ACSM6: variants seen among roughly 807,000 people sequenced by gnomAD.
The protein encoded by ACSM6 is acyl-coenzyme A synthetase ACSM6, mitochondrial.
Under a neutral mutation model 51.1 loss-of-function variants are expected in ACSM6, and 35 were observed. That is an observed-to-expected ratio of 0.69 (90% CI 0.52 to 0.91). ACSM6 has a LOEUF of 0.91. Ranked by LOEUF, ACSM6 falls within the 40% of genes least tolerant of loss-of-function variation. The pLI, the probability that ACSM6 is intolerant of heterozygous loss-of-function variation, is 0.00. For synonymous variants in ACSM6, 172 were observed against 207.3 expected, an observed-to-expected ratio of 0.83 and a Z score of 1.46; for missense variants, 509 against 584.1, an observed-to-expected ratio of 0.87 and a Z score of 1.32.
intron 2 of ACSM6, among the ~76,000 whole-genome samples, chr10:95,199,650 C>T (rs1416409544): frequency 1.3e-5 from 2 of 151,638 alleles, no homozygotes; most frequent in African/African-American, 4.9e-5. Context: ...CAAACAAATT[C>T]ACAAGAAAAA....
In ACSM6 at chr10:95,207,420, G is replaced by A. The variant is rs1231145057; in HGVS notation, c.611+5G>A. ...GGATTTCAAGAAGTTGATTCAGTAA[G>A]TGGACACTGAATATGAGATGCTTAA... On this transcript the variant is annotated splice_donor_5th_base_variant and intron_variant, in intron 4 of 10. Transcript: ENST00000341686. 2 of 1,609,950 alleles carry A rather than the reference G, an allele frequency of 1.2e-6. No homozygotes were observed. Among genetic ancestry groups the A allele is most frequent in the Non-Finnish European group, 8.5e-7 (1 of 1,176,290 alleles).
chr10:95,228,525 G>T, intron 10 of ACSM6, 119 bp from the exon 11 acceptor site: 1 of 1,009,396 alleles, frequency 9.9e-7, no homozygotes. Flanking sequence ...CCTGGAGAGT[G>T]GGGATCCTGA....
chr10:95,210,259 G>A (rs2034880774), intron 4 of ACSM6, among the ~76,000 whole-genome samples: 1 of 152,146 alleles, frequency 6.6e-6, no homozygotes, highest in Non-Finnish European at 1.5e-5. Flanking sequence ...AGAGAGACTT[G>A]TGACATGTTT....
At chr10:95,211,754 T>C in intron 5 of ACSM6, 124 bp from the exon 6 acceptor site, 1 of 1,040,484 alleles carries the variant, frequency 9.6e-7, no homozygotes, top group Non-Finnish European at 1.4e-6. Flanking sequence ...AAATAGGCTT[T>C]GCCTGTTTTC....
chr10:95,219,804 G>A (rs1007051094), intron 8 of ACSM6, 87 bp from the exon 9 acceptor site: 3 of 949,562 alleles, frequency 3.2e-6, no homozygotes, highest in African/African-American at 1.6e-5. Flanking sequence ...CTGTTAGGAG[G>A]CACATAATGT....
intron 8 of ACSM6, among the ~76,000 whole-genome samples, chr10:95,217,797 GGAAACATCCTCACTTA>G (rs1276340816): frequency 6.6e-6 from 1 of 151,934 alleles, no homozygotes; most frequent in East Asian, 1.9e-4. Flanking sequence ...ATATGGCTCA[GGAAACATCCTCACTTA>G]GAAAGCTAAA....
intron 5 of ACSM6, 24 bp downstream of exon 5, chr10:95,210,817 C>T (rs2034886339): frequency 2.5e-6 from 4 of 1,605,320 alleles, no homozygotes; most frequent in Middle Eastern, 1.7e-4. Context: ...ACAGCCTGTA[C>T]AGGCCTGAAA....
intron 3 of ACSM6, among the ~76,000 whole-genome samples, chr10:95,205,372 C>T (rs938638179): frequency 7.9e-5 from 12 of 152,048 alleles, no homozygotes; most frequent in African/African-American, 1.7e-4. Context: ...TCAAGGCAGA[C>T]GCAATGTCAG....
At chr10:95,210,500 T>C (rs2034883196) in intron 4 of ACSM6, 150 bp from the exon 5 acceptor site, 16 of 804,846 alleles carry the variant, frequency 2.0e-5, no homozygotes, top group South Asian at 2.0e-4. Flanking sequence ...AAGGGAAAAA[T>C]GGCAGCTGCC....
chr10:95,194,519 C>T (rs1203780476), exon 2 of ACSM6: 52 of 1,551,574 alleles, frequency 3.4e-5, no homozygotes, highest in Middle Eastern at 1.7e-4. Flanking sequence ...CTCCTTGGTC[C>T]GGAGTTTCAG....
chr10:95,194,503 A>T (rs567595841), exon 2 of ACSM6: 2 of 1,551,618 alleles, frequency 1.3e-6, no homozygotes, highest in African/African-American at 1.4e-5. Flanking sequence ...GCCGATTTCA[A>T]CCCTTCTCCT....
At chr10:95,206,037 C>T (rs765028744) in intron 3 of ACSM6, among the ~76,000 whole-genome samples, 14 of 152,074 alleles carry the variant, frequency 9.2e-5, no homozygotes, top group South Asian at 2.1e-4. Context: ...TAAAATTCAC[C>T]GTTTAAAAGT....
At chr10:95,209,659 A>G (rs1378058201) in intron 4 of ACSM6, among the ~76,000 whole-genome samples, 1 of 152,160 alleles carries the variant, frequency 6.6e-6, no homozygotes, top group Non-Finnish European at 1.5e-5. Context: ...GATCGAGGGA[A>G]ATAATATTTT....
intron 2 of ACSM6, among the ~76,000 whole-genome samples, chr10:95,199,101 T>C (rs568954349): frequency 1.2e-4 from 18 of 152,254 alleles, no homozygotes; most frequent in East Asian, 1.9e-4. Context: ...CTTCAAACTA[T>C]ACTACAAGGC....
intron 8 of ACSM6, 95 bp downstream of exon 8, chr10:95,215,070 G>A: frequency 7.2e-7 from 1 of 1,396,728 alleles, no homozygotes; most frequent in Non-Finnish European, 9.7e-7. Flanking sequence ...CACTAGAAAT[G>A]CACAACTGGA....
At position 95,225,279 on chromosome 10, in the gene ACSM6, T is replaced by C. The variant is rs187936002; in HGVS notation, c.1201-11T>C. 230 of 1,531,966 alleles carry C rather than the reference T, an allele frequency of 1.5e-4. 1 individual carries two copies. Among genetic ancestry groups the C allele is most frequent in the African/African-American group, 1.5e-3 (106 of 72,698 alleles). 94.9% of individuals were successfully genotyped at this position (1,531,966 alleles called of 1,614,324 possible). The stretch of plus-strand genomic sequence containing the variant: ...GTAAGGAAAATTCCTTTAGTGATTA[T>C]CTAATTTCAGATTGTGGATGAAAAC... On this transcript the variant is annotated splice_polypyrimidine_tract_variant and intron_variant, in intron 9 of 10. Transcript: ENST00000341686.
At chr10:95,203,481 A>G (rs2034813811) in intron 3 of ACSM6, among the ~76,000 whole-genome samples, 1 of 152,196 alleles carries the variant, frequency 6.6e-6, no homozygotes, top group Non-Finnish European at 1.5e-5. Context: ...GTTGGGGACC[A>G]CTGCTCTTCA....
chr10:95,202,682 G>A (rs972856707), intron 3 of ACSM6, among the ~76,000 whole-genome samples: 5 of 151,982 alleles, frequency 3.3e-5, no homozygotes, highest in East Asian at 1.9e-4. Flanking sequence ...CCAACACTTC[G>A]GGAGGCCAAG....
rs1272959961 is a variant in ACSM6, at chr10:95,219,771, T to C, written c.1120-120T>C. The C allele has an allele frequency of 4.2e-6, 3 of 709,258 alleles. No individual in the cohort carries two copies. The African/African-American group carries it at 5.3e-5, about 13-fold the overall frequency. The allele number at this position is 709,258 out of a possible 1,614,324, so 43.9% of individuals were successfully genotyped here. A position where few individuals can be genotyped will look rare whatever the true frequency, so the allele number is the denominator to read the frequency against. On this transcript the variant is annotated intron_variant, in intron 8 of 10. Coordinates refer to ENST00000341686, the Ensembl canonical transcript of ACSM6. Reference sequence around the variant, plus strand: ...TTGATTTTTTTTTAATCAAGATTACTTGTTAGACTGTGTAATGTTGTTCTG... The same window carrying C: ...TTGATTTTTTTTTAATCAAGATTACCTGTTAGACTGTGTAATGTTGTTCTG...
Sources: gnomAD v4.1 joint callset for allele counts (sites outside exome capture counted in the v4.1 genomes callset) on GRCh38, gnomAD v4.1.1 for gene constraint, MANE v1.5 for transcripts, NCBI Gene and HGNC (gene_info 2026-07-23, HGNC 2026-07-21) for gene names.